CFAP92: variants seen among roughly 807,000 people sequenced by gnomAD.
The protein encoded by CFAP92 is cilia and flagella associated protein 92 (putative).
In CFAP92, 86 loss-of-function variants were observed where a neutral mutation model predicts 106.3. That is an observed-to-expected ratio of 0.81 (90% CI 0.68 to 0.97). CFAP92 has a LOEUF of 0.97. CFAP92 is among the 50% of genes least tolerant of loss of function. The pLI, the probability that CFAP92 is intolerant of heterozygous loss-of-function variation, is 0.00. For synonymous variants in CFAP92, 477 were observed against 506.4 expected, an observed-to-expected ratio of 0.94 and a Z score of 0.78; for missense variants, 1,204 against 1,283.8, an observed-to-expected ratio of 0.94 and a Z score of 0.95.
Position 128,945,228 on chromosome 3 carries a change from T to C in CFAP92, c.2101A>G (p.Ile701Val). ...DSYPVRTLQQ[I>V]LSAFKVRVRV... ...ACACGCACCTTGAAGGCTGACAGGA[T>C]CTGCTGCAGGGTCCTGACAGGGTAG... Residue 701 changes from isoleucine (I) to valine (V), a missense_variant, in exon 10 of 16, where the codon ATC (isoleucine) becomes GTC (valine). Physicochemically the swap from Ile to Val is conservative, Grantham distance 29. Coordinates refer to ENST00000645291, the MANE Select transcript of CFAP92 (RefSeq NM_001394090.1). 1 of 1,536,106 alleles carries C rather than the reference T, an allele frequency of 6.5e-7. No homozygotes were observed. The highest frequency in any genetic ancestry group is 8.7e-7 in the Non-Finnish European group (1 of 1,146,894).
Position 128,965,643 on chromosome 3 carries a change from A to T in CFAP92, c.1221T>A (p.Asp407Glu), listed in dbSNP as rs1179807278. The T allele has an allele frequency of 2.3e-5, 9 of 398,778 alleles. No individual in the cohort carries two copies. Among genetic ancestry groups the T allele is most frequent in the Non-Finnish European group, 4.0e-5 (9 of 226,050 alleles). The allele number at this position is 398,778 out of a possible 1,614,324, so 24.7% of individuals were successfully genotyped here. A position where few individuals can be genotyped will look rare whatever the true frequency, so the allele number is the denominator to read the frequency against. Reference sequence around the variant, plus strand: ...CTTCTGTTTTTAAAGTCAAAAGGCAATCTAAAATGTTGGCAGACTTCTCAC... The same window carrying T: ...CTTCTGTTTTTAAAGTCAAAAGGCATTCTAAAATGTTGGCAGACTTCTCAC... The part of the protein sequence containing the change: ...RGSEKSANIL[D>E]CLLTLKTEVP... The change falls in exon 9 of 16, where the codon GAT (aspartate) becomes GAA (glutamate). Residue 407 changes from aspartate (D) to glutamate (E), a missense_variant. Physicochemically the swap from Asp to Glu is conservative, Grantham distance 45 (BLOSUM62 2). Coordinates refer to ENST00000645291, the MANE Select transcript of CFAP92 (RefSeq NM_001394090.1).
Position 128,993,141 on chromosome 3 carries a change from A to ATGC in CFAP92, c.161_163dup (p.Ser54dup). The ATGC allele has an allele frequency of 6.2e-7, 1 of 1,614,056 alleles. No homozygotes were observed. Among genetic ancestry groups the ATGC allele is most frequent in the Non-Finnish European group, 8.5e-7 (1 of 1,179,896 alleles). On this transcript the variant is annotated inframe_insertion, in exon 2 of 16. Coordinates refer to ENST00000645291, the MANE Select transcript of CFAP92 (RefSeq NM_001394090.1). ...GCTGGCAGGCTCAGATGAGGACTCG[A>ATGC]TGCTGCTGCACGGGCGGTCAGAGTC...
At chr3:128,914,984 T>G in intron 15 of CFAP92, 135 bp downstream of exon 15, 2 of 831,692 alleles carry the variant, frequency 2.4e-6, no homozygotes, top group Non-Finnish European at 1.8e-6. Flanking sequence ...CCATTCTGCA[T>G]CTTGCTTTTC....
intron 2 of CFAP92, among the ~76,000 whole-genome samples, chr3:128,992,660 C>T (rs1251996297): frequency 1.3e-5 from 2 of 152,038 alleles, no homozygotes; most frequent in South Asian, 2.1e-4. Flanking sequence ...CCACAACCTC[C>T]ACCTCCGGGG....
Position 128,935,189 on chromosome 3 carries a change from G to T in CFAP92, c.2389C>A (p.Leu797Met), listed in dbSNP as rs1938860266. The T allele has an allele frequency of 6.5e-7, 1 of 1,536,066 alleles. No homozygotes were observed. The highest frequency in any genetic ancestry group is 2.4e-5 in the East Asian group (1 of 40,918). ...CGCAGGAAGAACACCGCCTGCTGCA[G>T]CAGCAGCTCCGTGGGCTGGAAGAGG... ...VHLFQPTELL[L>M]QQAVFFLRDT... Residue 797 changes from leucine (L) to methionine (M), a missense_variant, in exon 11 of 16, where the codon CTG (leucine) becomes ATG (methionine). By Grantham distance (15) the Leu-to-Met change is conservative. Coordinates refer to ENST00000645291, the MANE Select transcript of CFAP92 (RefSeq NM_001394090.1).
Position 128,994,058 on chromosome 3 carries a change from G to T in CFAP92, c.-111C>A. The T allele has an allele frequency of 1.0e-6, 1 of 986,590 alleles. No homozygotes were observed. Among genetic ancestry groups the T allele is most frequent in the Non-Finnish European group, 1.2e-6 (1 of 830,534 alleles). 61.1% of individuals were successfully genotyped at this position (986,590 alleles called of 1,614,324 possible). On this transcript the variant is annotated 5_prime_UTR_variant, in exon 1 of 16. Coordinates refer to ENST00000645291, the MANE Select transcript of CFAP92 (RefSeq NM_001394090.1). ...CCGTACCGGATCCACAGCCACCTGG[G>T]CGAAGAGACTCCAAGACTGAGAGGA...
chr3:128,952,881 A>G (rs1348616347), intron 9 of CFAP92, among the ~76,000 whole-genome samples: 10 of 151,802 alleles, frequency 6.6e-5, no homozygotes, highest in Admixed American at 2.6e-4. Flanking sequence ...TCAGGAGTTC[A>G]AGACCAGCCT....
intron 12 of CFAP92, among the ~76,000 whole-genome samples, chr3:128,923,053 C>T (rs2107688575): frequency 6.6e-6 from 1 of 152,364 alleles, no homozygotes; most frequent in Non-Finnish European, 1.5e-5. Flanking sequence ...AGAACAAATG[C>T]TTCACCAATG....
At chr3:128,956,196 T>TAAAAAAAAATAAAA (rs1941373957) in intron 9 of CFAP92, among the ~76,000 whole-genome samples, 2 of 61,712 alleles carry the variant, frequency 3.2e-5, no homozygotes, top group Non-Finnish European at 5.9e-5. Context: ...AAAAAAAAAA[T>TAAAAAAAAATAAAA]AAAAAAAAAA....
At chr3:128,991,688 G>A (rs1023976359) in intron 2 of CFAP92, 20 of 842,488 alleles carry the variant, frequency 2.4e-5, no homozygotes, top group African/African-American at 1.7e-4. Flanking sequence ...GCCTCAGCCG[G>A]CCTGCACCAA....
chr3:129,026,274 C>A, the CFAP92 span, among the ~76,000 whole-genome samples: 3 of 152,172 alleles, frequency 2.0e-5, no homozygotes, highest in Admixed American at 6.5e-5. Flanking sequence ...CAGCCTGTGC[C>A]AGGAAACATT....
At chr3:128,922,304 C>T (rs1937357942) in intron 12 of CFAP92, among the ~76,000 whole-genome samples, 1 of 151,616 alleles carries the variant, frequency 6.6e-6, no homozygotes, top group Non-Finnish European at 1.5e-5. Context: ...GATCGTGCCA[C>T]TGCACTCCAG....
rs28654615 is a variant in CFAP92 at position 128,959,495 on chromosome 3, A to G, written c.1353+6016T>C. Among the ~76,000 whole-genome samples, 1,271 of 152,310 alleles carry G rather than the reference A, an allele frequency of 8.3e-3. 9 individuals are homozygous for G. Among genetic ancestry groups the G allele is most frequent in the Non-Finnish European group, 0.015 (1,009 of 68,024 alleles). ...ATTGACCTTTTCTCGAGAAGCTACT[A>G]GAGGATGCACTCCAGCAAAACCAGA... On this transcript the variant is annotated intron_variant, in intron 9 of 15. Coordinates refer to ENST00000645291, the MANE Select transcript of CFAP92 (RefSeq NM_001394090.1).
At chr3:128,933,896 C>A (rs1281444394) in intron 11 of CFAP92, among the ~76,000 whole-genome samples, 2 of 152,002 alleles carry the variant, frequency 1.3e-5, no homozygotes, top group Admixed American at 6.6e-5. Context: ...ATCTCTCCAG[C>A]CTCCTCCTCC....
chr3:129,004,115 A>T (rs73210697), upstream of CFAP92: 1 of 1,451,774 alleles, frequency 6.9e-7, no homozygotes, highest in Non-Finnish European at 9.0e-7. Context: ...AAGTTCCCCA[A>T]TTCGGCTCCC....
Position 128,971,351 on chromosome 3 carries a change from C to T in CFAP92, c.1104G>A (p.Thr368=), listed in dbSNP as rs142289280. ...KPLAEEEADP[T]LTGPRKQSAF... ...CGCTCTGCTTCCTGGGGCCTGTCAG[C>T]GTGGGGTCTGCCTCTTCTTCTGCCA... The change falls in exon 8 of 16, where the codon ACG becomes ACA. Residue 368 remains threonine, a synonymous_variant. Transcript: ENST00000645291. 114 of 1,613,568 alleles carry T rather than the reference C, an allele frequency of 7.1e-5. No individual in the cohort carries two copies. The East Asian group carries it at 1.7e-3, about 25-fold the overall frequency.
At chr3:129,020,958 G>A in the CFAP92 span, among the ~76,000 whole-genome samples, 6 of 152,358 alleles carry the variant, frequency 3.9e-5, no homozygotes, top group South Asian at 8.3e-4. Context: ...GTGGCCAGTG[G>A]GATGTAAGGC....
chr3:128,928,950 T>TC, intron 12 of CFAP92, among the ~76,000 whole-genome samples: 1 of 152,150 alleles, frequency 6.6e-6, no homozygotes, highest in Non-Finnish European at 1.5e-5. Context: ...GACAACTTGA[T>TC]TTTAAAATGG....
chr3:128,927,225 C>G (rs1235182578), intron 12 of CFAP92, among the ~76,000 whole-genome samples: 1 of 152,076 alleles, frequency 6.6e-6, no homozygotes, highest in African/African-American at 2.4e-5. Context: ...CCGAACTTGT[C>G]AGACTCTTAA....
Sources: gnomAD v4.1 joint callset for allele counts (sites outside exome capture counted in the v4.1 genomes callset) on GRCh38, gnomAD v4.1.1 for gene constraint, MANE v1.5 for transcripts, NCBI Gene and HGNC (gene_info 2026-07-23, HGNC 2026-07-21) for gene names.